Variants in CTNNA3 observed in about 807,000 individuals in gnomAD.
The protein encoded by CTNNA3 is catenin alpha-3.
In CTNNA3, 76 loss-of-function variants were observed where a neutral mutation model predicts 95.7. The observed-to-expected ratio is 0.79, with a 90% CI of 0.66 to 0.96. The LOEUF (loss-of-function observed/expected upper bound fraction) is 0.96. Ranked by LOEUF, CTNNA3 falls within the 40% of genes least tolerant of loss-of-function variation. The pLI is 0.00. For missense variants in CTNNA3, 1,191 were observed against 1,089.8 expected, an observed-to-expected ratio of 1.09 and a Z score of -1.31; for synonymous variants, 431 against 374.4, an observed-to-expected ratio of 1.15 and a Z score of -1.74.
intron 12 of CTNNA3, among the ~76,000 whole-genome samples, chr10:66,312,566 T>A (rs537295218): frequency 2.0e-5 from 3 of 147,894 alleles, no homozygotes; most frequent in South Asian, 2.2e-4. Context: ...TTTTTTTTTT[T>A]AGACAGAGTC....
intron 10 of CTNNA3, among the ~76,000 whole-genome samples, chr10:66,619,049 T>G (rs548574308): frequency 1.3e-4 from 20 of 151,716 alleles, no homozygotes; most frequent in Non-Finnish European, 2.9e-4. Flanking sequence ...ATCATTAAAA[T>G]GTCAGGAAAC....
intron 11 of CTNNA3, among the ~76,000 whole-genome samples, chr10:66,409,538 A>G (rs2093085520): frequency 6.6e-6 from 1 of 152,216 alleles, no homozygotes; most frequent in Admixed American, 6.5e-5. Context: ...GTGGTGCAGT[A>G]TGATGAATAT....
intron 10 of CTNNA3, among the ~76,000 whole-genome samples, chr10:66,560,671 A>G (rs79879025): frequency 0.023 from 3,463 of 152,180 alleles, 84 homozygotes; most frequent in East Asian, 0.055. Flanking sequence ...GTCTTGATCT[A>G]TAATGGAGTG....
chr10:66,325,976 G>T (rs542017625), intron 12 of CTNNA3, among the ~76,000 whole-genome samples: 1 of 152,192 alleles, frequency 6.6e-6, no homozygotes, highest in Non-Finnish European at 1.5e-5. Flanking sequence ...GTTGAAAAAT[G>T]GCTGATAAAA....
intron 9 of CTNNA3, among the ~76,000 whole-genome samples, chr10:66,656,193 G>A (rs1270336808): frequency 6.6e-6 from 1 of 152,088 alleles, no homozygotes; most frequent in Non-Finnish European, 1.5e-5. Context: ...AGAAAAGTGA[G>A]CAGGACAGCA....
At chr10:67,639,774 G>C (rs1369794599) in intron 2 of CTNNA3, among the ~76,000 whole-genome samples, 1 of 152,106 alleles carries the variant, frequency 6.6e-6, no homozygotes, top group Non-Finnish European at 1.5e-5. Flanking sequence ...TATCTCAATA[G>C]ATGCAGAAAA....
At chr10:66,698,283 A>C (rs1166148808) in intron 9 of CTNNA3, among the ~76,000 whole-genome samples, 1 of 152,224 alleles carries the variant, frequency 6.6e-6, no homozygotes, top group African/African-American at 2.4e-5. Flanking sequence ...TGTGTGCCAC[A>C]AGCAGTTATT....
intron 14 of CTNNA3, among the ~76,000 whole-genome samples, chr10:66,092,109 C>T (rs753780231): frequency 3.3e-5 from 5 of 151,802 alleles, no homozygotes; most frequent in Non-Finnish European, 7.4e-5. Flanking sequence ...TCCCTGACTC[C>T]TGTCTCTCTC....
chr10:67,058,742 G>A (rs1855585721), intron 7 of CTNNA3, among the ~76,000 whole-genome samples: 1 of 152,144 alleles, frequency 6.6e-6, no homozygotes, highest in Non-Finnish European at 1.5e-5. Context: ...GTTACCTGTT[G>A]TGTATCTAAG....
intron 5 of CTNNA3, among the ~76,000 whole-genome samples, chr10:67,247,016 A>G (rs1865933070): frequency 1.3e-5 from 2 of 152,222 alleles, no homozygotes; most frequent in African/African-American, 4.8e-5. Context: ...TAAAAAATAC[A>G]TAAATAAATC....
chr10:66,638,433 C>T (rs1484062439), intron 9 of CTNNA3, among the ~76,000 whole-genome samples: 1 of 152,130 alleles, frequency 6.6e-6, no homozygotes, highest in Non-Finnish European at 1.5e-5. Flanking sequence ...CCGCCGCCGC[C>T]CACCCCTCCG....
At chr10:66,186,875 A>G (rs2086372241) in intron 13 of CTNNA3, among the ~76,000 whole-genome samples, 1 of 152,200 alleles carries the variant, frequency 6.6e-6, no homozygotes, top group Non-Finnish European at 1.5e-5. Context: ...CTGGAGATTA[A>G]GCAAAAGGTT....
At chr10:67,205,992 T>A (rs1267932197) in intron 6 of CTNNA3, among the ~76,000 whole-genome samples, 1 of 152,202 alleles carries the variant, frequency 6.6e-6, no homozygotes, top group Non-Finnish European at 1.5e-5. Context: ...CTTTTAAATA[T>A]AATCATCAAA....
At chr10:65,952,099 T>C (rs1007223548) in intron 17 of CTNNA3, among the ~76,000 whole-genome samples, 2 of 151,062 alleles carry the variant, frequency 1.3e-5, no homozygotes, top group Admixed American at 1.3e-4. Context: ...TAGATAGCTA[T>C]AACATAAAGA....
chr10:67,445,450 A>G (rs1419805408), intron 5 of CTNNA3, among the ~76,000 whole-genome samples: 2 of 151,996 alleles, frequency 1.3e-5, no homozygotes, highest in African/African-American at 4.8e-5. Flanking sequence ...AAAAGAAAAG[A>G]GAGGGGTGAA....
At chr10:67,116,987 T>C (rs1279191661) in intron 7 of CTNNA3, among the ~76,000 whole-genome samples, 1 of 151,678 alleles carries the variant, frequency 6.6e-6, no homozygotes, top group African/African-American at 2.4e-5. Flanking sequence ...AAATTAGATA[T>C]AGCTGATGGT....
chr10:66,214,019 G>T (rs1374151986), intron 13 of CTNNA3, among the ~76,000 whole-genome samples: 1 of 152,206 alleles, frequency 6.6e-6, no homozygotes, highest in Non-Finnish European at 1.5e-5. Flanking sequence ...ACTGGAGGCT[G>T]TGTAATTTTG....
At chr10:66,271,187 C>T (rs4609495) in intron 13 of CTNNA3, among the ~76,000 whole-genome samples, 40,993 of 151,862 alleles carry the variant, frequency 0.27, 6,203 homozygotes, top group African/African-American at 0.4. Context: ...ATATTTTTCC[C>T]GTTGAAACTC....
At chr10:66,777,762 T>C (rs942267302) in intron 7 of CTNNA3, among the ~76,000 whole-genome samples, 20 of 136,926 alleles carry the variant, frequency 1.5e-4, no homozygotes, top group East Asian at 4.3e-4. Flanking sequence ...AGAGACCTCC[T>C]ACACACACAC....
Sources: allele counts gnomAD v4.1 joint callset (sites outside exome capture counted in the v4.1 genomes callset), GRCh38; gene constraint gnomAD v4.1.1; transcripts MANE v1.5; gene names NCBI Gene and HGNC (gene_info 2026-07-23, HGNC 2026-07-21).